The following PPP1R9A variants were observed in gnomAD, a reference collection of about 807,000 sequenced individuals.
PPP1R9A encodes protein phosphatase 1 regulatory subunit 9A.
In PPP1R9A, 59 loss-of-function variants were observed where a neutral mutation model predicts 141.9. That is an observed-to-expected ratio of 0.42 (90% CI 0.34 to 0.52). The LOEUF is 0.52. Among genes scored for constraint, PPP1R9A ranks in the 20% least tolerant of loss-of-function variants. The pLI is 0.10. For synonymous variants in PPP1R9A, 500 were observed against 569.7 expected (o/e 0.88, Z 1.74); for missense variants, 1,444 against 1,611.9 (o/e 0.90, Z 1.78).
chr7:95,285,556 C>T (rs955262929), intron 17 of PPP1R9A, among the ~76,000 whole-genome samples: 1 of 152,180 alleles, frequency 6.6e-6, no homozygotes, highest in Non-Finnish European at 1.5e-5. Flanking sequence ...GCTCCCACCT[C>T]CCCCACCCCC....
At chr7:95,160,502 C>G (rs1326545931) in intron 4 of PPP1R9A, among the ~76,000 whole-genome samples, 1 of 151,836 alleles carries the variant, frequency 6.6e-6, no homozygotes. Context: ...TCCTTTAAAA[C>G]AGTCTTTATT....
intron 8 of PPP1R9A, among the ~76,000 whole-genome samples, chr7:95,244,186 A>G (rs1048681751): frequency 6.6e-6 from 1 of 152,140 alleles, no homozygotes; most frequent in Non-Finnish European, 1.5e-5. Context: ...TAACACTCCA[A>G]ACTTTGCGCA....
At chr7:95,152,303 T>C (rs576807883) in intron 4 of PPP1R9A, among the ~76,000 whole-genome samples, 1 of 152,306 alleles carries the variant, frequency 6.6e-6, no homozygotes, top group Admixed American at 6.5e-5. Context: ...AATAAGAGAA[T>C]GCTAAATAAT....
intron 2 of PPP1R9A, among the ~76,000 whole-genome samples, chr7:95,024,532 C>G (rs943270405): frequency 7.9e-5 from 12 of 151,940 alleles, no homozygotes; most frequent in African/African-American, 2.7e-4. Context: ...TTATATAATG[C>G]CTTTCTTTGT....
intron 4 of PPP1R9A, among the ~76,000 whole-genome samples, chr7:95,131,088 A>G (rs548041645): frequency 4.6e-5 from 7 of 152,164 alleles, no homozygotes; most frequent in South Asian, 4.1e-4. Context: ...CTGGGGCAGA[A>G]TGATATGGTT....
intron 2 of PPP1R9A, among the ~76,000 whole-genome samples, chr7:94,938,086 A>AC (rs1489237251): frequency 1.3e-5 from 2 of 152,152 alleles, no homozygotes; most frequent in East Asian, 3.9e-4. Context: ...GTGGTCTGGT[A>AC]CCAGTCTGTG....
chr7:94,991,156 G>A (rs1419072609), intron 2 of PPP1R9A, among the ~76,000 whole-genome samples: 1 of 152,108 alleles, frequency 6.6e-6, no homozygotes, highest in African/African-American at 2.4e-5. Context: ...CACCAATAGT[G>A]TATGAGTTCC....
chr7:95,117,172 AC>A (rs1821669680), intron 3 of PPP1R9A, among the ~76,000 whole-genome samples: 1 of 152,134 alleles, frequency 6.6e-6, no homozygotes, highest in South Asian at 2.1e-4. Context: ...TTCCATAATA[AC>A]ATAGTCCCTC....
intron 2 of PPP1R9A, among the ~76,000 whole-genome samples, chr7:94,955,104 G>C (rs529927507): frequency 6.6e-6 from 1 of 151,592 alleles, no homozygotes; most frequent in Non-Finnish European, 1.5e-5. Flanking sequence ...TCTTTTCACT[G>C]TTTATTCATG....
intron 2 of PPP1R9A, among the ~76,000 whole-genome samples, chr7:95,071,711 C>A (rs918127800): frequency 2.8e-4 from 43 of 151,750 alleles, no homozygotes; most frequent in Admixed American, 1.6e-3. Flanking sequence ...AAATTTAAAT[C>A]TGTATTATTT....
chr7:95,235,794 C>A (rs1796598863), intron 8 of PPP1R9A, among the ~76,000 whole-genome samples: 1 of 152,134 alleles, frequency 6.6e-6, no homozygotes, highest in Non-Finnish European at 1.5e-5. Context: ...TTTATATGTA[C>A]CATGGAATAC....
chr7:95,091,177 T>C (rs1817292847), intron 2 of PPP1R9A, among the ~76,000 whole-genome samples: 1 of 151,842 alleles, frequency 6.6e-6, no homozygotes, highest in African/African-American at 2.4e-5. Flanking sequence ...TGTGCAGAAA[T>C]ATTTCTGTAT....
At chr7:95,074,438 G>A (rs1007678239) in intron 2 of PPP1R9A, among the ~76,000 whole-genome samples, 3 of 150,422 alleles carry the variant, frequency 2.0e-5, no homozygotes, top group African/African-American at 7.3e-5. Flanking sequence ...TATAATTCCT[G>A]TGTCAAAGAC....
At chr7:95,207,415 C>G (rs976493956) in intron 7 of PPP1R9A, among the ~76,000 whole-genome samples, 2 of 152,024 alleles carry the variant, frequency 1.3e-5, no homozygotes, top group East Asian at 3.9e-4. Flanking sequence ...AGTAATAAAA[C>G]ATAACTTTGG....
In PPP1R9A at chr7:95,295,803, C is replaced by T. The variant is rs1807025953; in HGVS notation, c.*5500C>T. 1 of 152,478 alleles carries T rather than the reference C, an allele frequency of 6.6e-6. No homozygotes were observed. The highest frequency in any genetic ancestry group is 1.5e-5 in the Non-Finnish European group (1 of 68,020). 9.4% of individuals were successfully genotyped at this position (152,478 alleles called of 1,614,324 possible). On this transcript the variant is annotated 3_prime_UTR_variant, in exon 20 of 20. Transcript: ENST00000433360. ...AAGAGGCACTCCAGCCAGATAACACCTCCCAACAACATGAAATTTAGTTAG... is the reference window on the plus strand; with the variant it reads ...AAGAGGCACTCCAGCCAGATAACACTTCCCAACAACATGAAATTTAGTTAG...
chr7:94,911,346 T>A lies in PPP1R9A; in HGVS notation c.1233T>A (p.Asn411Lys), dbSNP rs1308185291. The change falls in exon 2 of 20, where the codon AAT (asparagine) becomes AAA (lysine). Residue 411 changes from asparagine (N) to lysine (K), a missense_variant. By Grantham distance (94) the Asn-to-Lys change is moderately conservative. Around this residue, in one of 5 missense-constraint regions of PPP1R9A, gnomAD observed 490 missense variants for 521.1 expected, o/e 0.94. Transcript: ENST00000433360. ...TGTATAGGGTGAGATCCAGGTATAATTCAGACTGGGGAGAGACAGGCACTG... is the reference window on the plus strand; with the variant it reads ...TGTATAGGGTGAGATCCAGGTATAAATCAGACTGGGGAGAGACAGGCACTG... ...YNVYRVRSRY[N>K]SDWGETGTEQ... The A allele has an allele frequency of 1.9e-6, 3 of 1,614,098 alleles. No homozygotes were observed. The South Asian group carries it at 3.3e-5, about 18-fold the overall frequency.
rs1805473596 is a variant in PPP1R9A, at chr7:95,286,997, A to G, written c.3729+672A>G. On this transcript the variant is annotated intron_variant, in intron 18 of 19. Coordinates refer to ENST00000433360, the MANE Select transcript of PPP1R9A (RefSeq NM_001166160.2). ...TTTTCTTGTAAGCTTTTCTGCCCGTATTCTTCAAGCTTGGTGCAATTTTAA... is the reference window on the plus strand; with the variant it reads ...TTTTCTTGTAAGCTTTTCTGCCCGTGTTCTTCAAGCTTGGTGCAATTTTAA... 6.2e-6 allele frequency: 7 copies of G among 1,133,662 alleles called. No individual in the cohort carries two copies. The South Asian group carries it at 8.7e-5, about 14-fold the overall frequency. 70.2% of individuals were successfully genotyped at this position (1,133,662 alleles called of 1,614,324 possible).
In PPP1R9A at chr7:95,268,707, G is replaced by C; in HGVS notation, c.2823G>C (p.Lys941Asn). The change falls in exon 13 of 20, where the codon AAG becomes AAC. Residue 941 changes from lysine (K) to asparagine (N), a missense_variant and splice_region_variant. By Grantham distance (94) the Lys-to-Asn change is moderately conservative. Around this residue, in one of 5 missense-constraint regions of PPP1R9A, gnomAD observed 459 missense variants for 513.8 expected, o/e 0.89. Coordinates refer to ENST00000433360, the MANE Select transcript of PPP1R9A (RefSeq NM_001166160.2). ...STDGEDSLER[K>N]PSNSFYNHMH... ...ATGGGGAGGACAGTCTAGAGAGAAA[G>C]GTGAGCACCCTTGACCGTTTCCTGA... 1 of 1,612,388 alleles carries C rather than the reference G, an allele frequency of 6.2e-7. No individual in the cohort carries two copies. Among genetic ancestry groups the C allele is most frequent in the Non-Finnish European group, 8.5e-7 (1 of 1,178,868 alleles).
intron 1 of PPP1R9A, 134 bp from the exon 2 acceptor site, chr7:94,909,764 C>A: frequency 1.3e-5 from 2 of 148,374 alleles, no homozygotes; most frequent in African/African-American, 2.6e-5. Flanking sequence ...TGACTTTTAA[C>A]TTCCCATTTC....
Sources: allele counts gnomAD v4.1 joint callset (sites outside exome capture counted in the v4.1 genomes callset), GRCh38; gene constraint gnomAD v4.1.1; regional missense constraint gnomAD v4.1.1; transcripts MANE v1.5; gene names NCBI Gene and HGNC (gene_info 2026-07-23, HGNC 2026-07-21).